The following FHIT variants were observed in gnomAD, a reference collection of about 807,000 sequenced individuals.
FHIT encodes fragile histidine triad diadenosine triphosphatase.
In FHIT, 19 loss-of-function variants were observed where a neutral mutation model predicts 17.9. That is an observed-to-expected ratio of 1.06 (90% CI 0.74 to 1.56). FHIT has a LOEUF of 1.56. FHIT is among the 40% of genes most tolerant of loss of function. The probability of loss-of-function intolerance (pLI) is 0.00; values close to 1 mark genes in which losing one functional copy is unlikely to be tolerated. For missense variants in FHIT, 248 were observed against 189.2 expected (o/e 1.31, Z -1.82); for synonymous variants, 81 against 69.7 (o/e 1.16, Z -0.81).
At chr3:60,502,677 A>C (rs1410249340) in intron 5 of FHIT, among the ~76,000 whole-genome samples, 1 of 152,222 alleles carries the variant, frequency 6.6e-6, no homozygotes, top group Non-Finnish European at 1.5e-5. Flanking sequence ...TCAATAGAAC[A>C]GACAGCTAGA....
intron 5 of FHIT, among the ~76,000 whole-genome samples, chr3:60,306,729 A>C (rs1363505968): frequency 2.0e-5 from 3 of 152,184 alleles, no homozygotes; most frequent in African/African-American, 7.2e-5. Context: ...TCTAAATATA[A>C]AATAAAAAAC....
chr3:60,207,942 CTCA>C (rs1703277393), intron 5 of FHIT, among the ~76,000 whole-genome samples: 1 of 152,090 alleles, frequency 6.6e-6, no homozygotes, highest in Non-Finnish European at 1.5e-5. Context: ...AATTTTACAG[CTCA>C]GGAAGGTGAG....
intron 5 of FHIT, among the ~76,000 whole-genome samples, chr3:60,154,723 T>C (rs1040151612): frequency 5.3e-5 from 8 of 152,186 alleles, no homozygotes; most frequent in African/African-American, 1.9e-4. Flanking sequence ...AAAGGCACAA[T>C]TAATCATTTT....
chr3:60,251,717 G>A (rs213395), intron 5 of FHIT, among the ~76,000 whole-genome samples: 21,221 of 152,038 alleles, frequency 0.14, 1,885 homozygotes, highest in African/African-American at 0.25. Context: ...CTTGTCCAGC[G>A]TGTGGGCCAC....
chr3:59,821,505 T>C (rs902349369), intron 8 of FHIT, among the ~76,000 whole-genome samples: 1 of 152,172 alleles, frequency 6.6e-6, no homozygotes, highest in Non-Finnish European at 1.5e-5. Flanking sequence ...AAATGCAATA[T>C]GATTCTCTCA....
At chr3:59,807,280 G>A (rs1700240413) in intron 8 of FHIT, among the ~76,000 whole-genome samples, 1 of 152,166 alleles carries the variant, frequency 6.6e-6, no homozygotes, top group South Asian at 2.1e-4. Context: ...TTGCGGGTTG[G>A]GGTGCGGAAG....
At chr3:59,891,367 T>G (rs1703848622) in intron 8 of FHIT, among the ~76,000 whole-genome samples, 1 of 152,106 alleles carries the variant, frequency 6.6e-6, no homozygotes, top group Non-Finnish European at 1.5e-5. Context: ...AAAGGAAGAT[T>G]GGTAAAGACA....
intron 8 of FHIT, among the ~76,000 whole-genome samples, chr3:59,847,647 T>G (rs1489267893): frequency 2.0e-5 from 3 of 152,220 alleles, no homozygotes; most frequent in East Asian, 3.9e-4. Flanking sequence ...TTGCTCTATA[T>G]GCCTTGTAAT....
intron 4 of FHIT, among the ~76,000 whole-genome samples, chr3:60,627,470 G>C (rs1249780036): frequency 2.0e-5 from 3 of 152,012 alleles, no homozygotes; most frequent in Non-Finnish European, 4.4e-5. Flanking sequence ...GTTTTCCCTT[G>C]TAATCCTTTT....
At chr3:60,589,439 A>C (rs782327888) in intron 4 of FHIT, among the ~76,000 whole-genome samples, 1 of 152,082 alleles carries the variant, frequency 6.6e-6, no homozygotes, top group East Asian at 1.9e-4. Context: ...CCTGGAGGCC[A>C]TTCTCCACAG....
intron 4 of FHIT, among the ~76,000 whole-genome samples, chr3:60,734,465 C>A (rs2042095514): frequency 6.6e-6 from 1 of 152,122 alleles, no homozygotes; most frequent in South Asian, 2.1e-4. Context: ...TGCAGTGATA[C>A]CAACACAGCT....
intron 1 of FHIT, among the ~76,000 whole-genome samples, chr3:61,211,677 G>T (rs1298362832): frequency 1.3e-5 from 2 of 152,242 alleles, no homozygotes; most frequent in Admixed American, 6.5e-5. Context: ...CGCAGCCAGA[G>T]ATCTGAGAAT....
At chr3:59,816,172 G>A (rs1349408961) in intron 8 of FHIT, among the ~76,000 whole-genome samples, 1 of 152,186 alleles carries the variant, frequency 6.6e-6, no homozygotes, top group Non-Finnish European at 1.5e-5. Context: ...GGGCAAGCTG[G>A]TGAGTTCTTC....
chr3:60,114,187 G>C (rs1378179638), intron 5 of FHIT, among the ~76,000 whole-genome samples: 1 of 149,192 alleles, frequency 6.7e-6, no homozygotes, highest in East Asian at 2.0e-4. Flanking sequence ...AATCAGACAA[G>C]GTAAACAGTA....
At chr3:60,007,879 G>C (rs968924412) in intron 7 of FHIT, among the ~76,000 whole-genome samples, 4 of 152,158 alleles carry the variant, frequency 2.6e-5, no homozygotes, top group Admixed American at 2.6e-4. Flanking sequence ...TTAGGTCAGA[G>C]AATTCTTTTA....
chr3:60,979,735 T>A (rs568602921), intron 3 of FHIT, among the ~76,000 whole-genome samples: 1 of 152,286 alleles, frequency 6.6e-6, no homozygotes, highest in African/African-American at 2.4e-5. Flanking sequence ...CATTCAGGGA[T>A]TGCTGCCCCT....
chr3:60,024,035 C>G (rs911212249), intron 5 of FHIT, among the ~76,000 whole-genome samples: 2 of 151,224 alleles, frequency 1.3e-5, no homozygotes, highest in African/African-American at 4.9e-5. Context: ...ATGTAACATA[C>G]CCAGCTAAAG....
chr3:60,789,663 C>T lies in FHIT; in HGVS notation c.-18+32256G>A, dbSNP rs142257413. Among the ~76,000 whole-genome samples, 29 of 152,208 alleles carry T rather than the reference C, an allele frequency of 1.9e-4. 1 individual carries two copies. The East Asian group carries it at 5.2e-3, about 27-fold the overall frequency. ...CATCTAAGTTCTTTGGAGACAGTAACTATTAAACACCTGACTCTGTCCCTT... is the reference window on the plus strand; with the variant it reads ...CATCTAAGTTCTTTGGAGACAGTAATTATTAAACACCTGACTCTGTCCCTT... On this transcript the variant is annotated intron_variant, in intron 4 of 9. Transcript: ENST00000492590.
chr3:59,806,208 T>C (rs1700190453), intron 8 of FHIT, among the ~76,000 whole-genome samples: 1 of 151,480 alleles, frequency 6.6e-6, no homozygotes, highest in Admixed American at 6.6e-5. Context: ...TGGGGAATAA[T>C]CTACATGAAA....
Sources: allele counts gnomAD v4.1 joint callset (sites outside exome capture counted in the v4.1 genomes callset), GRCh38; gene constraint gnomAD v4.1.1; transcripts MANE v1.5; gene names NCBI Gene and HGNC (gene_info 2026-07-23, HGNC 2026-07-21).